The following XKR9 variants were observed in gnomAD, a reference collection of about 807,000 sequenced individuals.
XKR9 encodes the protein XK related 9.
XKR9 carries 32 observed loss-of-function variants against 32.0 expected under a neutral mutation model. The ratio of observed to expected loss-of-function variants is 1.00; its 90% confidence interval spans 0.76 to 1.34. The LOEUF (loss-of-function observed/expected upper bound fraction) is 1.34. XKR9 is among the 40% of genes most tolerant of loss of function. The pLI is 0.00. For missense variants in XKR9, 546 were observed against 429.7 expected (o/e 1.27, Z -2.39); for synonymous variants, 168 against 143.4 (o/e 1.17, Z -1.22).
chr8:70,696,002 G>A (rs1188218619), intron 3 of XKR9, among the ~76,000 whole-genome samples: 1 of 151,512 alleles, frequency 6.6e-6, no homozygotes. Flanking sequence ...GTCTGTTCAT[G>A]TCCTTCGCCC....
intron 3 of XKR9, among the ~76,000 whole-genome samples, chr8:70,689,281 A>G (rs1293759958): frequency 6.6e-6 from 1 of 151,918 alleles, no homozygotes; most frequent in Non-Finnish European, 1.5e-5. Flanking sequence ...AAAAATTCCA[A>G]TTAAAACTAC....
chr8:70,730,961 A>C (rs1402065481), intron 4 of XKR9, among the ~76,000 whole-genome samples: 1 of 152,204 alleles, frequency 6.6e-6, no homozygotes, highest in South Asian at 2.1e-4. Context: ...ACATGGTCAC[A>C]AAGTTAAGCT....
chr8:71,012,747 G>A, the XKR9 span, among the ~76,000 whole-genome samples: 1 of 152,102 alleles, frequency 6.6e-6, no homozygotes, highest in African/African-American at 2.4e-5. Context: ...GGTGAAGAAA[G>A]TAAGACACAG....
the XKR9 span, among the ~76,000 whole-genome samples, chr8:70,886,798 T>C: frequency 2.0e-5 from 3 of 152,096 alleles, no homozygotes; most frequent in Non-Finnish European, 4.4e-5. Context: ...CTTTGTCAGG[T>C]GGAGAGATTG....
chr8:70,755,744 C>T (rs1197409763), intron 2 of XKR9, among the ~76,000 whole-genome samples: 1 of 127,100 alleles, frequency 7.9e-6, no homozygotes, highest in East Asian at 2.3e-4. Flanking sequence ...GAACACCACA[C>T]TCTGGTGACT....
At chr8:70,794,698 T>A (rs1807806038), downstream of XKR9, among the ~76,000 whole-genome samples, 1 of 152,008 alleles carries the variant, frequency 6.6e-6, no homozygotes, top group Non-Finnish European at 1.5e-5. Context: ...CTGGAATAAG[T>A]CCTACTTATT....
the XKR9 span, among the ~76,000 whole-genome samples, chr8:71,022,877 T>C: frequency 6.6e-6 from 1 of 152,138 alleles, no homozygotes; most frequent in Non-Finnish European, 1.5e-5. Context: ...GCTAGTCTAC[T>C]GTTGAAGCTC....
intron 2 of XKR9, among the ~76,000 whole-genome samples, chr8:70,786,788 C>T (rs1807694511): frequency 6.6e-6 from 1 of 151,978 alleles, no homozygotes; most frequent in Non-Finnish European, 1.5e-5. Flanking sequence ...TAGGTAAGGA[C>T]CTACTACTGC....
the XKR9 span, among the ~76,000 whole-genome samples, chr8:70,817,251 A>G: frequency 2.0e-5 from 3 of 152,166 alleles, no homozygotes; most frequent in Non-Finnish European, 4.4e-5. Context: ...AAAGCCTCCT[A>G]GAACTGATAA....
intron 3 of XKR9, among the ~76,000 whole-genome samples, chr8:70,698,464 G>A (rs1156681178): frequency 1.3e-5 from 2 of 152,136 alleles, no homozygotes; most frequent in African/African-American, 4.8e-5. Flanking sequence ...TTCAGGAGCA[G>A]GTTGTTCAGT....
chr8:70,747,516 C>G (rs906966825), intron 2 of XKR9, among the ~76,000 whole-genome samples: 1 of 152,112 alleles, frequency 6.6e-6, no homozygotes, highest in Admixed American at 6.6e-5. Flanking sequence ...TATGGGATGC[C>G]CTGTGTGGCC....
At chr8:70,925,079 T>A in the XKR9 span, among the ~76,000 whole-genome samples, 5 of 152,218 alleles carry the variant, frequency 3.3e-5, no homozygotes, top group Admixed American at 3.3e-4. Flanking sequence ...ATTCTATGCC[T>A]CTCTTGTACT....
chr8:70,969,500 G>T, the XKR9 span, among the ~76,000 whole-genome samples: 1 of 152,162 alleles, frequency 6.6e-6, no homozygotes, highest in South Asian at 2.1e-4. Context: ...TCTCCTTTGG[G>T]TATCCTGAAT....
intron 3 of XKR9, chr8:70,683,775 A>T (rs1819166121): frequency 4.4e-6 from 1 of 224,812 alleles, no homozygotes; most frequent in Non-Finnish European, 9.1e-6. Flanking sequence ...GGTGTGAGCC[A>T]CCATGTTCGG....
intron 2 of XKR9, among the ~76,000 whole-genome samples, chr8:70,761,932 C>A (rs1807314737): frequency 6.6e-6 from 1 of 152,094 alleles, no homozygotes; most frequent in Non-Finnish European, 1.5e-5. Flanking sequence ...CCAGTTCTCC[C>A]AGCACCATTT....
intron 2 of XKR9, among the ~76,000 whole-genome samples, 195 bp downstream of exon 2, chr8:70,675,094 T>C (rs1239150956): frequency 6.6e-6 from 1 of 152,226 alleles, no homozygotes. Context: ...TAAGCCATTC[T>C]TGCATTGCTG....
chr8:70,864,159 G>A, the XKR9 span, among the ~76,000 whole-genome samples: 3 of 152,276 alleles, frequency 2.0e-5, no homozygotes, highest in South Asian at 2.1e-4. Flanking sequence ...CTCTACATTT[G>A]TGCTTTCCCC....
chr8:71,051,786 G>T, the XKR9 span, among the ~76,000 whole-genome samples: 1 of 152,214 alleles, frequency 6.6e-6, no homozygotes, highest in East Asian at 1.9e-4. Context: ...AAGAGGATTA[G>T]AAAGACCATT....
At chr8:70,670,343 G>A (rs535800814) in intron 1 of XKR9, among the ~76,000 whole-genome samples, 1 of 152,276 alleles carries the variant, frequency 6.6e-6, no homozygotes, top group East Asian at 1.9e-4. Flanking sequence ...TATCAGCCAA[G>A]TATTAACTAT....
Sources: gnomAD v4.1 joint callset for allele counts (sites outside exome capture counted in the v4.1 genomes callset) on GRCh38, gnomAD v4.1.1 for gene constraint, MANE v1.5 for transcripts, NCBI Gene and HGNC (gene_info 2026-07-23, HGNC 2026-07-21) for gene names.